Variants in NRXN1 observed in about 807,000 individuals in gnomAD.
NRXN1 encodes neurexin 1, also known as neurexin-1.
A neutral mutation model predicts 150.9 loss-of-function variants in NRXN1; 39 were observed. The observed-to-expected ratio is 0.26, with a 90% CI of 0.20 to 0.34. The LOEUF is 0.34. NRXN1 is among the 10% of genes least tolerant of loss of function. The pLI, the probability that NRXN1 is intolerant of heterozygous loss-of-function variation, is 1.00. For synonymous variants in NRXN1, 924 were observed against 757.0 expected (o/e 1.22, Z -3.62); for missense variants, 1,815 against 1,949.9 (o/e 0.93, Z 1.30).
chr2:50,169,371 T>A (rs1054908266), intron 18 of NRXN1, among the ~76,000 whole-genome samples: 1 of 152,080 alleles, frequency 6.6e-6, no homozygotes, highest in African/African-American at 2.4e-5. Context: ...GGGAAGTTTC[T>A]TGGGTAAGTT....
At chr2:50,495,345 CGT>C (rs71404957) in intron 15 of NRXN1, among the ~76,000 whole-genome samples, 4,424 of 76,008 alleles carry the variant, frequency 0.058, 90 homozygotes, top group Non-Finnish European at 0.078. Flanking sequence ...AGAAGCATTC[CGT>C]GTGTGTGTGT....
intron 5 of NRXN1, among the ~76,000 whole-genome samples, chr2:50,794,859 T>C (rs1015144613): frequency 1.3e-5 from 2 of 152,100 alleles, no homozygotes; most frequent in African/African-American, 4.8e-5. Flanking sequence ...TCATAGTCAA[T>C]ATTATGGCTG....
At chr2:50,905,298 T>C (rs1558396895) in intron 5 of NRXN1, among the ~76,000 whole-genome samples, 1 of 152,118 alleles carries the variant, frequency 6.6e-6, no homozygotes, top group Non-Finnish European at 1.5e-5. Flanking sequence ...ACACTGTGTG[T>C]TGACTGCAAA....
At chr2:49,944,250 T>C (rs967138280) in intron 21 of NRXN1, among the ~76,000 whole-genome samples, 11 of 152,224 alleles carry the variant, frequency 7.2e-5, no homozygotes, top group Admixed American at 2.6e-4. Context: ...ATCTTTGAGA[T>C]ATAGCTTGTT....
At chr2:50,590,181 C>G (rs760640971) in intron 8 of NRXN1, among the ~76,000 whole-genome samples, 1 of 152,172 alleles carries the variant, frequency 6.6e-6, no homozygotes, top group African/African-American at 2.4e-5. Flanking sequence ...CATTTACTTA[C>G]ATGCAGTTTT....
At chr2:50,238,202 G>T (rs376737535) in intron 17 of NRXN1, among the ~76,000 whole-genome samples, 1 of 152,076 alleles carries the variant, frequency 6.6e-6, no homozygotes, top group Non-Finnish European at 1.5e-5. Context: ...ACCCATTTTG[G>T]TTCTATTATT....
At chr2:50,713,509 C>A (rs1695467677) in intron 5 of NRXN1, among the ~76,000 whole-genome samples, 1 of 152,002 alleles carries the variant, frequency 6.6e-6, no homozygotes, top group East Asian at 1.9e-4. Flanking sequence ...GTTCAAGAAG[C>A]ATCAATTATG....
At chr2:50,436,808 A>T (rs1398039755) in intron 17 of NRXN1, among the ~76,000 whole-genome samples, 2 of 152,196 alleles carry the variant, frequency 1.3e-5, no homozygotes, top group Admixed American at 6.5e-5. Flanking sequence ...AAGTAAAATT[A>T]ATTTTGCTGA....
At chr2:49,967,994 AAAT>A (rs1271212759) in intron 21 of NRXN1, among the ~76,000 whole-genome samples, 1 of 152,050 alleles carries the variant, frequency 6.6e-6, no homozygotes, top group Non-Finnish European at 1.5e-5. Flanking sequence ...CTTACTGAGA[AAAT>A]AATACTATTG....
chr2:50,322,642 T>C (rs2076127467), intron 17 of NRXN1, among the ~76,000 whole-genome samples: 2 of 152,190 alleles, frequency 1.3e-5, no homozygotes, highest in African/African-American at 4.8e-5. Flanking sequence ...TTCCTTGCCT[T>C]CACCAAGATT....
rs796382985 is a variant in NRXN1 at position 50,719,391 on chromosome 2, C to T, written c.833-95776G>A. The stretch of plus-strand genomic sequence containing the variant: ...CTTATTTAAAATAAGTTTCGTTTTC[C>T]GGCTGGGTGCGGTGGCTCATGGAAC... On this transcript the variant is annotated intron_variant, in intron 5 of 22. Coordinates refer to ENST00000401669, the MANE Select transcript of NRXN1 (RefSeq NM_001330078.2). Among the ~76,000 whole-genome samples, 24 of 151,854 alleles carry T rather than the reference C, an allele frequency of 1.6e-4. 1 individual carries two copies. Among genetic ancestry groups the T allele is most frequent in the East Asian group, 5.8e-4 (3 of 5,174 alleles).
At chr2:50,747,373 G>T (rs1039156856) in intron 5 of NRXN1, among the ~76,000 whole-genome samples, 2 of 152,104 alleles carry the variant, frequency 1.3e-5, no homozygotes, top group African/African-American at 4.8e-5. Context: ...GTGGAATGAG[G>T]TTTCCTAATT....
At chr2:50,882,261 A>G (rs1679555120) in intron 5 of NRXN1, among the ~76,000 whole-genome samples, 1 of 151,884 alleles carries the variant, frequency 6.6e-6, no homozygotes. Flanking sequence ...CTAACATCAC[A>G]CATGGACAAA....
chr2:50,058,727 G>T (rs993947356), intron 19 of NRXN1, among the ~76,000 whole-genome samples: 1 of 152,084 alleles, frequency 6.6e-6, no homozygotes, highest in African/African-American at 2.4e-5. Context: ...GAATTATGGG[G>T]GTGGGTTTTT....
Position 50,683,646 on chromosome 2 carries a change from A to AAAAAAATATATATAT in NRXN1, c.833-60032_833-60031insATATATATATTTTTT. Among the ~76,000 whole-genome samples, 6 of 14,906 alleles carry AAAAAAATATATATAT rather than the reference A, an allele frequency of 4.0e-4. 1 individual carries two copies. Among genetic ancestry groups the AAAAAAATATATATAT allele is most frequent in the Middle Eastern group, 0.12 (2 of 16 alleles). The allele number at this position is 14,906 out of a possible 152,430, so 9.8% of individuals were successfully genotyped here. On this transcript the variant is annotated intron_variant, in intron 5 of 22. Coordinates refer to ENST00000401669, the MANE Select transcript of NRXN1 (RefSeq NM_001330078.2). ...GACTCCGTCTCAAAAAAAAAAAAAAAATATATATATATATATATATGTTAT... is the reference window on the plus strand; with the variant it reads ...GACTCCGTCTCAAAAAAAAAAAAAAAAAAAAATATATATATATATATATATATATATATATGTTAT...
intron 5 of NRXN1, among the ~76,000 whole-genome samples, chr2:50,637,064 C>T (rs1683331349): frequency 6.6e-6 from 1 of 152,074 alleles, no homozygotes; most frequent in Non-Finnish European, 1.5e-5. Flanking sequence ...GGTTCAATTC[C>T]TCACTTTATG....
intron 2 of NRXN1, among the ~76,000 whole-genome samples, chr2:51,018,152 T>C (rs755366934): frequency 7.9e-5 from 12 of 152,108 alleles, no homozygotes; most frequent in Non-Finnish European, 1.5e-4. Context: ...GTTTCCATCA[T>C]GGATTAGAAC....
chr2:50,107,490 AATT>A (rs1701815184), intron 18 of NRXN1, among the ~76,000 whole-genome samples: 1 of 147,078 alleles, frequency 6.8e-6, no homozygotes. Flanking sequence ...CTCCCATCAC[AATT>A]ATTGTCACAT....
At chr2:50,384,559 T>C (rs115525019) in intron 17 of NRXN1, among the ~76,000 whole-genome samples, 2,458 of 150,844 alleles carry the variant, frequency 0.016, 83 homozygotes, top group African/African-American at 0.058. Flanking sequence ...TAAGGTATTG[T>C]TTAGGGCCCA....
Sources: allele counts gnomAD v4.1 joint callset (sites outside exome capture counted in the v4.1 genomes callset), GRCh38; gene constraint gnomAD v4.1.1; transcripts MANE v1.5; gene names NCBI Gene and HGNC (gene_info 2026-07-23, HGNC 2026-07-21).